Variants in ZSCAN25 observed in about 807,000 individuals in gnomAD.
ZSCAN25 encodes zinc finger and SCAN domain containing 25.
ZSCAN25 carries 27 observed loss-of-function variants against 38.7 expected under a neutral mutation model. The observed-to-expected ratio is 0.70, with a 90% CI of 0.51 to 0.96. The LOEUF (loss-of-function observed/expected upper bound fraction) is 0.96, where lower values mean the gene tolerates loss of function less well. Among genes scored for constraint, ZSCAN25 ranks in the 40% least tolerant of loss-of-function variants. The pLI, the probability that ZSCAN25 is intolerant of heterozygous loss-of-function variation, is 0.00. For synonymous variants in ZSCAN25, 273 were observed against 277.7 expected (o/e 0.98, Z 0.17); for missense variants, 637 against 705.9 (o/e 0.90, Z 1.11).
chr7:99,651,013 CATT>C, the ZSCAN25 span, among the ~76,000 whole-genome samples: 1 of 152,100 alleles, frequency 6.6e-6, no homozygotes, highest in Non-Finnish European at 1.5e-5. Flanking sequence ...GTAATAATGG[CATT>C]GTTGTCATAT....
the ZSCAN25 span, chr7:99,722,216 G>A: frequency 1.9e-6 from 3 of 1,575,630 alleles, no homozygotes; most frequent in South Asian, 1.1e-5. Context: ...AGAGGCTCTG[G>A]GCTGAGACTA....
rs575492879 is a variant in ZSCAN25 at position 99,629,166 on chromosome 7, A to G, written c.806-25A>G. ...ATGTCCTGCGGCTACCACAGAATCA[A>G]TCTTTATCTCCTCCTGTCCTGTAGG... On this transcript the variant is annotated intron_variant, in intron 7 of 7. Transcript: ENST00000394152. This position sits in a 1 kb window ranked among gnomAD's most constrained non-coding sequence, Gnocchi z 5.6. 181 of 1,570,362 alleles carry G rather than the reference A, an allele frequency of 1.2e-4. No homozygotes were observed. The highest frequency in any genetic ancestry group is 1.5e-4 in the South Asian group (13 of 84,280).
chr7:99,679,557 T>C, the ZSCAN25 span, among the ~76,000 whole-genome samples: 5 of 152,156 alleles, frequency 3.3e-5, no homozygotes, highest in African/African-American at 1.2e-4. Context: ...CTTCGTCAGA[T>C]CTAAGCTAAT....
chr7:99,715,896 C>A, the ZSCAN25 span: 17 of 1,613,790 alleles, frequency 1.1e-5, no homozygotes, highest in Non-Finnish European at 1.4e-5. Context: ...ATGCTGTAGG[C>A]CCCAAAGACG....
rs2151296607 is a variant in ZSCAN25, at chr7:99,629,379, A to G, written c.994A>G (p.Ile332Val). The stretch of plus-strand genomic sequence containing the variant: ...GCTTCCTCCTCCCCAGCACGGTGCC[A>G]TCCCCCTGCCTGACGAAGTCAAAAC... ...PGLPPPQHGA[I>V]PLPDEVKTHS... Residue 332 changes from isoleucine to valine, a missense_variant, in exon 8 of 8, where the codon ATC becomes GTC. Transcript: ENST00000394152. The surrounding 1 kb of genome is among the most constrained non-coding windows in gnomAD (Gnocchi z 5.6). The G allele has an allele frequency of 1.9e-6, 3 of 1,614,186 alleles. No individual in the cohort carries two copies. The highest frequency in any genetic ancestry group is 2.5e-6 in the Non-Finnish European group (3 of 1,180,018).
Position 99,630,728 on chromosome 7 carries a change from A to G in ZSCAN25, c.*708A>G, listed in dbSNP as rs149468913. The G allele has an allele frequency of 2.4e-3, 2,358 of 985,438 alleles. 4 individuals are homozygous for G. Among genetic ancestry groups the G allele is most frequent in the Non-Finnish European group, 2.7e-3 (2,220 of 829,950 alleles). The allele number at this position is 985,438 out of a possible 1,614,324, so 61.0% of individuals were successfully genotyped here. On this transcript the variant is annotated 3_prime_UTR_variant, in exon 8 of 8. Transcript: ENST00000394152. Reference sequence around the variant, plus strand: ...AGCCTCATCTGTGTCAGGCTATAACATTCTATCCTCATCTGTAAAACTTCC... The same window carrying G: ...AGCCTCATCTGTGTCAGGCTATAACGTTCTATCCTCATCTGTAAAACTTCC...
At chr7:99,618,402 G>C (rs944293555) in intron 1 of ZSCAN25, 123 bp from the exon 2 acceptor site, 1 of 152,058 alleles carries the variant, frequency 6.6e-6, no homozygotes, top group Non-Finnish European at 1.5e-5. Context: ...TCCTACAGAA[G>C]TGTTTTAAGT....
the ZSCAN25 span, chr7:99,667,115 A>T: frequency 6.6e-7 from 1 of 1,526,120 alleles, no homozygotes; most frequent in South Asian, 1.2e-5. Context: ...GGTGATCTTC[A>T]TGGTTGCACA....
chr7:99,708,659 C>T, the ZSCAN25 span, among the ~76,000 whole-genome samples: 480 of 152,244 alleles, frequency 3.2e-3, 1 homozygote, highest in African/African-American at 9.4e-3. Flanking sequence ...GAAGATTAGA[C>T]GCATGTTTTT....
At chr7:99,650,146 G>T in the ZSCAN25 span, 1 of 1,614,136 alleles carries the variant, frequency 6.2e-7, no homozygotes, top group Non-Finnish European at 8.5e-7. Flanking sequence ...GTTCATGAGA[G>T]CAAACCTCAT....
chr7:99,643,783 G>T, the ZSCAN25 span, among the ~76,000 whole-genome samples: 3 of 151,394 alleles, frequency 2.0e-5, no homozygotes, highest in Admixed American at 2.0e-4. Context: ...CCCCCTCTCA[G>T]CCCCACATCT....
the ZSCAN25 span, among the ~76,000 whole-genome samples, chr7:99,725,921 G>A: frequency 6.6e-6 from 1 of 152,082 alleles, no homozygotes; most frequent in Admixed American, 6.6e-5. Flanking sequence ...GGGTATTGAC[G>A]GCCAGGTTTC....
the ZSCAN25 span, among the ~76,000 whole-genome samples, chr7:99,732,703 A>T: frequency 1.3e-5 from 2 of 152,292 alleles, no homozygotes; most frequent in South Asian, 4.1e-4. Context: ...TTCAACCATG[A>T]ATCTGCTAGT....
At chr7:99,697,696 T>G in the ZSCAN25 span, among the ~76,000 whole-genome samples, 5 of 152,130 alleles carry the variant, frequency 3.3e-5, 1 homozygote, top group South Asian at 1.0e-3. Flanking sequence ...ACTCTGATAA[T>G]ATGTGGTAAA....
the ZSCAN25 span, chr7:99,659,503 G>T: frequency 6.5e-6 from 1 of 155,018 alleles, no homozygotes; most frequent in African/African-American, 2.4e-5. Context: ...GTGCCTCCCA[G>T]TTAGGCTGCT....
At chr7:99,670,085 T>C in the ZSCAN25 span, among the ~76,000 whole-genome samples, 24 of 152,204 alleles carry the variant, frequency 1.6e-4, no homozygotes, top group Admixed American at 2.0e-4. Context: ...AAAGTATGGA[T>C]GCTGACTCTA....
In ZSCAN25 at chr7:99,629,146, C is replaced by G; in HGVS notation, c.806-45C>G. On this transcript the variant is annotated intron_variant, in intron 7 of 7. Coordinates refer to ENST00000394152, the MANE Select transcript of ZSCAN25 (RefSeq NM_145115.3). This position sits in a 1 kb window ranked among gnomAD's most constrained non-coding sequence, Gnocchi z 5.6. ...AGCAGAGTTCTAACATGTAAATGTC[C>G]TGCGGCTACCACAGAATCAATCTTT... The G allele has an allele frequency of 1.3e-6, 2 of 1,541,354 alleles. No individual in the cohort carries two copies. The highest frequency in any genetic ancestry group is 2.5e-5 in the South Asian group (2 of 78,818).
At chr7:99,618,761 A>C (rs571975148) in intron 2 of ZSCAN25, 110 bp downstream of exon 2, 1 of 152,276 alleles carries the variant, frequency 6.6e-6, no homozygotes, top group African/African-American at 2.4e-5. Context: ...ATAAGAATAA[A>C]GTTCATAATT....
chr7:99,666,452 C>G, the ZSCAN25 span: 1 of 809,152 alleles, frequency 1.2e-6, no homozygotes, highest in African/African-American at 1.7e-5. Context: ...ATGGGAGCCA[C>G]TCCCTCTTAG....
Sources: allele counts gnomAD v4.1 joint callset (sites outside exome capture counted in the v4.1 genomes callset), GRCh38; gene constraint gnomAD v4.1.1; non-coding constraint Gnocchi (gnomAD v3.1); transcripts MANE v1.5; gene names NCBI Gene and HGNC (gene_info 2026-07-23, HGNC 2026-07-21).